Variants in PITPNC1 observed in about 807,000 individuals in gnomAD.
PITPNC1 encodes the protein phosphatidylinositol transfer protein cytoplasmic 1.
Under a neutral mutation model 44.7 loss-of-function variants are expected in PITPNC1, and 18 were observed. The observed-to-expected ratio is 0.40, with a 90% CI of 0.28 to 0.60. PITPNC1 has a LOEUF of 0.60. Ranked by LOEUF, PITPNC1 falls within the 20% of genes least tolerant of loss-of-function variation. The pLI is 0.39. For missense variants in PITPNC1, 290 were observed against 418.4 expected (o/e 0.69, Z 2.68); for synonymous variants, 141 against 149.6 (o/e 0.94, Z 0.42).
chr17:67,453,634 G>A (rs894833262), intron 1 of PITPNC1, among the ~76,000 whole-genome samples: 1 of 152,218 alleles, frequency 6.6e-6, no homozygotes, highest in Admixed American at 6.5e-5. Context: ...CGACGTTGTG[G>A]AGGTGCTTAC....
At position 67,696,842 on chromosome 17, in the gene PITPNC1, T is replaced by A. The variant is rs1369467609; in HGVS notation, c.*3954T>A. The A allele has an allele frequency of 6.7e-6, 1 of 148,272 alleles. No individual in the cohort carries two copies. The highest frequency in any genetic ancestry group is 6.9e-5 in the Admixed American group (1 of 14,548). The allele number at this position is 148,272 out of a possible 1,614,324, so 9.2% of individuals were successfully genotyped here. A position where few individuals can be genotyped will look rare whatever the true frequency, so the allele number is the denominator to read the frequency against. On this transcript the variant is annotated 3_prime_UTR_variant, in exon 9 of 9. Transcript: ENST00000581322. ...TAATAATTGTAATTTTGTTGTTAAA[T>A]TAACAAGGACTTTAGGATAAGCCTC... is the stretch of plus-strand genomic sequence containing the variant.
chr17:67,421,534 C>T (rs1487992065), intron 1 of PITPNC1, among the ~76,000 whole-genome samples: 1 of 152,120 alleles, frequency 6.6e-6, no homozygotes, highest in Non-Finnish European at 1.5e-5. Flanking sequence ...CCACCTGCCT[C>T]GGCCTCCCAA....
intron 1 of PITPNC1, among the ~76,000 whole-genome samples, chr17:67,518,667 A>G (rs2040287939): frequency 6.6e-6 from 1 of 152,242 alleles, no homozygotes; most frequent in African/African-American, 2.4e-5. Context: ...AAACAAAAAA[A>G]GGAAAATGAT....
Position 67,461,255 on chromosome 17 carries a change from A to G in PITPNC1, c.49-71547A>G, listed in dbSNP as rs558869751. On this transcript the variant is annotated intron_variant, in intron 1 of 8. Coordinates refer to ENST00000581322, the MANE Select transcript of PITPNC1 (RefSeq NM_012417.4). ...ATTTCTCAAATGAGAAGTAAAACAT[A>G]TTCTATAAGTTTTGAAAATGCTTCT... is the stretch of plus-strand genomic sequence containing the variant. 4.6e-5 allele frequency among the ~76,000 whole-genome samples: 7 copies of G among 151,430 alleles called. No homozygotes were observed. The South Asian group carries it at 1.4e-3, about 31-fold the overall frequency.
At chr17:67,428,599 C>A (rs143183205) in intron 1 of PITPNC1, among the ~76,000 whole-genome samples, 1 of 150,940 alleles carries the variant, frequency 6.6e-6, no homozygotes, top group Non-Finnish European at 1.5e-5. Flanking sequence ...TAGTGACCTG[C>A]GGGTAATGAG....
At chr17:67,393,681 A>G (rs1054288012) in intron 1 of PITPNC1, among the ~76,000 whole-genome samples, 7 of 152,238 alleles carry the variant, frequency 4.6e-5, no homozygotes, top group African/African-American at 1.7e-4. Context: ...AAGCAGAAAT[A>G]TACTGACTTT....
intron 1 of PITPNC1, chr17:67,459,520 A>G (rs1598692913): frequency 6.6e-6 from 1 of 152,228 alleles, no homozygotes; most frequent in East Asian, 1.9e-4. Context: ...TTACTAGAAC[A>G]ATCCCAGAAT....
At position 67,631,059 on chromosome 17, in the gene PITPNC1, A is replaced by G. The variant is rs180804884; in HGVS notation, c.367-1084A>G. ...CGGCTGTGTTGTTGTTGTTGTTATT[A>G]TTATTATTATTATTATTATTATTAT... On this transcript the variant is annotated intron_variant, in intron 5 of 8. Transcript: ENST00000581322. Among the ~76,000 whole-genome samples, 231 of 124,126 alleles carry G rather than the reference A, an allele frequency of 1.9e-3. 1 individual carries two copies. Among genetic ancestry groups the G allele is most frequent in the East Asian group, 5.6e-3 (26 of 4,648 alleles). The allele number at this position is 124,126 out of a possible 152,430, so 81.4% of individuals were successfully genotyped here. A position where few individuals can be genotyped will look rare whatever the true frequency, so the allele number is the denominator to read the frequency against.
intron 2 of PITPNC1, among the ~76,000 whole-genome samples, chr17:67,534,083 C>T (rs899024958): frequency 2.0e-5 from 3 of 151,792 alleles, no homozygotes; most frequent in Non-Finnish European, 4.4e-5. Flanking sequence ...TTAGTAGAGA[C>T]GGGATTCCAC....
chr17:67,416,228 TAGAC>T (rs1406448625), intron 1 of PITPNC1, among the ~76,000 whole-genome samples: 3 of 139,304 alleles, frequency 2.2e-5, no homozygotes, highest in Admixed American at 1.5e-4. Context: ...TTTTTTTTTT[TAGAC>T]AGAGTCTCGC....
intron 1 of PITPNC1, among the ~76,000 whole-genome samples, chr17:67,481,035 C>T (rs2039694392): frequency 6.6e-6 from 1 of 152,176 alleles, no homozygotes; most frequent in African/African-American, 2.4e-5. Context: ...GGCAAAACCC[C>T]ATCTCTACAA....
chr17:67,477,276 C>T, intron 1 of PITPNC1, among the ~76,000 whole-genome samples: 1 of 123,088 alleles, frequency 8.1e-6, no homozygotes. Context: ...GATGGAGTTT[C>T]ACTCTTATTG....
At chr17:67,420,343 C>G (rs1420198790) in intron 1 of PITPNC1, among the ~76,000 whole-genome samples, 2 of 147,378 alleles carry the variant, frequency 1.4e-5, no homozygotes, top group African/African-American at 5.1e-5. Context: ...CTTCTATTTT[C>G]TCTCTCTCTT....
At chr17:67,553,443 A>G (rs2040794213) in intron 3 of PITPNC1, 167 bp from the exon 4 acceptor site, 6 of 423,604 alleles carry the variant, frequency 1.4e-5, no homozygotes, top group Non-Finnish European at 2.5e-5. Flanking sequence ...TCAGTGCAAC[A>G]CGGAGACATT....
chr17:67,626,568 C>T (rs2041897799), intron 5 of PITPNC1, among the ~76,000 whole-genome samples: 1 of 152,086 alleles, frequency 6.6e-6, no homozygotes, highest in Non-Finnish European at 1.5e-5. Flanking sequence ...TGGGGTTTCA[C>T]CATGTTGGCC....
intron 6 of PITPNC1, among the ~76,000 whole-genome samples, chr17:67,635,698 T>C (rs1434520550): frequency 2.6e-5 from 4 of 151,584 alleles, no homozygotes; most frequent in Non-Finnish European, 5.9e-5. Flanking sequence ...GAATCAGGAG[T>C]CTAAAAGAAT....
chr17:67,444,623 G>A (rs550401088), intron 1 of PITPNC1, among the ~76,000 whole-genome samples: 10 of 152,262 alleles, frequency 6.6e-5, no homozygotes, highest in African/African-American at 2.2e-4. Flanking sequence ...CTGGCCAGGC[G>A]CGGTGGCCCA....
In PITPNC1 at chr17:67,695,324, C is replaced by T. The variant is rs1160370498; in HGVS notation, c.*2436C>T. 2 of 152,016 alleles carry T rather than the reference C, an allele frequency of 1.3e-5. No homozygotes were observed. Among genetic ancestry groups the T allele is most frequent in the Non-Finnish European group, 2.9e-5 (2 of 68,022 alleles). The allele number at this position is 152,016 out of a possible 1,614,324, so 9.4% of individuals were successfully genotyped here. A position where few individuals can be genotyped will look rare whatever the true frequency, so the allele number is the denominator to read the frequency against. On this transcript the variant is annotated 3_prime_UTR_variant, in exon 9 of 9. Transcript: ENST00000581322. ...AGTCATCAAAAGGCATAAATGACTTCAATATTTTATATATCTTGGTTTTCA... is the reference window on the plus strand; with the variant it reads ...AGTCATCAAAAGGCATAAATGACTTTAATATTTTATATATCTTGGTTTTCA...
intron 4 of PITPNC1, among the ~76,000 whole-genome samples, chr17:67,560,026 T>C (rs2144186845): frequency 6.6e-6 from 1 of 152,318 alleles, no homozygotes; most frequent in East Asian, 1.9e-4. Flanking sequence ...ATAACTACCA[T>C]TCAAGATGGT....
Sources: allele counts gnomAD v4.1 joint callset (sites outside exome capture counted in the v4.1 genomes callset), GRCh38; gene constraint gnomAD v4.1.1; transcripts MANE v1.5; gene names NCBI Gene and HGNC (gene_info 2026-07-23, HGNC 2026-07-21).